Variants in ANO1 observed in about 807,000 individuals in gnomAD.
The protein encoded by ANO1 is anoctamin-1.
Under a neutral mutation model 124.0 loss-of-function variants are expected in ANO1, and 59 were observed. The ratio of observed to expected loss-of-function variants is 0.48; its 90% CI spans 0.39 to 0.59. ANO1 has a LOEUF of 0.59. ANO1 is among the 20% of genes least tolerant of loss of function. The pLI, the probability that ANO1 is intolerant of heterozygous loss-of-function variation, is 0.00. For missense variants in ANO1, 1,059 were observed against 1,328.0 expected (o/e 0.80, Z 3.15); for synonymous variants, 529 against 532.0 (o/e 0.99, Z 0.08).
chr11:70,161,330 A>G lies in ANO1; in HGVS notation c.1748A>G (p.Tyr583Cys). ...LVVIILLDEV[Y>C]GCIARWLTKI... ...GTCATCATCCTCCTGGACGAGGTGTATGGCTGCATAGCCCGATGGCTCACC... is the reference window on the plus strand; with the variant it reads ...GTCATCATCCTCCTGGACGAGGTGTGTGGCTGCATAGCCCGATGGCTCACC... Residue 583 changes from tyrosine to cysteine, a missense_variant, in exon 17 of 26, where the codon TAT becomes TGT. Physicochemically the swap from Tyr to Cys is radical, Grantham distance 194 (BLOSUM62 -2). Around this residue, in one of 2 missense-constraint regions of ANO1, gnomAD observed 809 missense variants for 1,094.9 expected, o/e 0.74. Transcript: ENST00000355303. 1.9e-6 allele frequency: 3 copies of G among 1,613,984 alleles called. No homozygotes were observed. Among genetic ancestry groups the G allele is most frequent in the Non-Finnish European group, 2.5e-6 (3 of 1,179,898 alleles).
the ANO1 span, among the ~76,000 whole-genome samples, chr11:69,974,457 G>A: frequency 7.9e-5 from 12 of 152,192 alleles, no homozygotes; most frequent in Non-Finnish European, 1.3e-4. Flanking sequence ...TATCATGAAC[G>A]ACCGCTTTAC....
chr11:70,163,141 A>C lies in ANO1; in HGVS notation c.1893-142A>C, dbSNP rs1046729839. The C allele has an allele frequency of 3.1e-5, 24 of 783,990 alleles. No homozygotes were observed. The South Asian group carries it at 4.2e-4, about 14-fold the overall frequency. 48.6% of individuals were successfully genotyped at this position (783,990 alleles called of 1,614,324 possible). A position where few individuals can be genotyped will look rare whatever the true frequency, so the allele number is the denominator to read the frequency against. On this transcript the variant is annotated intron_variant, in intron 18 of 25. Transcript: ENST00000355303. Reference sequence around the variant, plus strand: ...ACTGTGGTCATCTTTTAGCAGATGCACCAGGCAGGGAGAGCCGCCTGTAGA... The same window carrying C: ...ACTGTGGTCATCTTTTAGCAGATGCCCCAGGCAGGGAGAGCCGCCTGTAGA...
chr11:69,980,628 AC>A, the ANO1 span, among the ~76,000 whole-genome samples: 1 of 151,948 alleles, frequency 6.6e-6, no homozygotes, highest in Admixed American at 6.6e-5. Flanking sequence ...CAAAAAAAAA[AC>A]AAAAAACTGT....
upstream of ANO1, among the ~76,000 whole-genome samples, chr11:70,075,641 C>T (rs991283460): frequency 4.6e-5 from 7 of 152,082 alleles, no homozygotes; most frequent in Non-Finnish European, 8.8e-5. Flanking sequence ...AATTCATGAG[C>T]AGGGAATTAA....
chr11:70,027,957 C>T (rs1856938266), intron 1 of ANO1, among the ~76,000 whole-genome samples: 1 of 152,150 alleles, frequency 6.6e-6, no homozygotes, highest in Non-Finnish European at 1.5e-5. Context: ...TTTTGGGTCT[C>T]TGTGGTTTTT....
At chr11:70,077,241 A>G (rs2135157086), upstream of ANO1, among the ~76,000 whole-genome samples, 1 of 152,368 alleles carries the variant, frequency 6.6e-6, no homozygotes, top group African/African-American at 2.4e-5. Flanking sequence ...ATGAGACGGA[A>G]TAAATGAAGT....
intron 22 of ANO1, among the ~76,000 whole-genome samples, chr11:70,178,102 C>T (rs1157172565): frequency 6.6e-6 from 1 of 152,160 alleles, no homozygotes; most frequent in Non-Finnish European, 1.5e-5. Flanking sequence ...CAGCAGCACC[C>T]ACCTTATGTG....
chr11:69,970,284 G>T, the ANO1 span, among the ~76,000 whole-genome samples: 2 of 152,282 alleles, frequency 1.3e-5, no homozygotes, highest in Admixed American at 6.5e-5. Context: ...AGAGAGCCCA[G>T]GCACTGTGCT....
intron 1 of ANO1, among the ~76,000 whole-genome samples, chr11:69,998,322 T>C (rs1856313686): frequency 7.4e-6 from 1 of 134,768 alleles, no homozygotes; most frequent in African/African-American, 2.8e-5. Flanking sequence ...TCCCCACCAA[T>C]CCCCCCGCCC....
chr11:69,978,786 C>T, the ANO1 span, among the ~76,000 whole-genome samples: 1 of 152,198 alleles, frequency 6.6e-6, no homozygotes, highest in Admixed American at 6.5e-5. Flanking sequence ...ATTCCTGCAA[C>T]CATGTGAGGA....
At chr11:70,138,345 C>CAA (rs2047023984) in intron 11 of ANO1, among the ~76,000 whole-genome samples, 1 of 77,442 alleles carries the variant, frequency 1.3e-5, no homozygotes, top group Admixed American at 2.0e-4. Flanking sequence ...AATTCCATCT[C>CAA]AGAAAAAAAA....
intron 18 of ANO1, among the ~76,000 whole-genome samples, chr11:70,162,795 C>T (rs746291992): frequency 2.0e-5 from 3 of 152,238 alleles, no homozygotes; most frequent in South Asian, 2.1e-4. Flanking sequence ...GAAGCCTACA[C>T]GCCCCACACC....
the ANO1 span, among the ~76,000 whole-genome samples, chr11:69,977,967 T>C: frequency 6.6e-6 from 1 of 151,916 alleles, no homozygotes; most frequent in African/African-American, 2.4e-5. Context: ...TGAGAGGGGG[T>C]CAAGGAAAGC....
At chr11:70,009,919 C>T (rs1336625618) in intron 1 of ANO1, among the ~76,000 whole-genome samples, 1 of 151,978 alleles carries the variant, frequency 6.6e-6, no homozygotes, top group Non-Finnish European at 1.5e-5. Context: ...TTATCCCTCA[C>T]CCTCCTCCCA....
chr11:70,087,494 T>C (rs2044428937), intron 1 of ANO1, among the ~76,000 whole-genome samples: 1 of 152,172 alleles, frequency 6.6e-6, no homozygotes, highest in Non-Finnish European at 1.5e-5. Context: ...TGGGGGACCA[T>C]ATGTGGCTTG....
At chr11:69,988,944 A>AGAAG (rs368526301) in intron 1 of ANO1, among the ~76,000 whole-genome samples, 11,573 of 149,234 alleles carry the variant, frequency 0.078, 619 homozygotes, top group African/African-American at 0.15. Flanking sequence ...AAGGAAGGAA[A>AGAAG]GAAGGAAGGA....
intron 1 of ANO1, among the ~76,000 whole-genome samples, chr11:70,023,306 G>A (rs1454045793): frequency 5.3e-5 from 8 of 152,188 alleles, no homozygotes; most frequent in Non-Finnish European, 1.5e-5. Flanking sequence ...ACTCCATTTA[G>A]CAGGAGCATG....
At chr11:70,044,037 A>G (rs564032281) in intron 1 of ANO1, among the ~76,000 whole-genome samples, 31 of 150,362 alleles carry the variant, frequency 2.1e-4, no homozygotes, top group African/African-American at 7.2e-4. Flanking sequence ...ATGTAATAGG[A>G]CAGTAGCACA....
chr11:70,155,569 TA>T (rs2047775826), intron 14 of ANO1, among the ~76,000 whole-genome samples: 1 of 152,206 alleles, frequency 6.6e-6, no homozygotes, highest in South Asian at 2.1e-4. Context: ...CTTGCTGTCA[TA>T]AGATGCTGGT....
Sources: allele counts gnomAD v4.1 joint callset (sites outside exome capture counted in the v4.1 genomes callset), GRCh38; gene constraint gnomAD v4.1.1; regional missense constraint gnomAD v4.1.1; transcripts MANE v1.5; gene names NCBI Gene and HGNC (gene_info 2026-07-23, HGNC 2026-07-21).